The following MFSD6 variants were observed in gnomAD, a reference collection of about 807,000 sequenced individuals.
MFSD6 encodes major facilitator superfamily domain-containing protein 6.
MFSD6 carries 26 observed loss-of-function variants against 56.3 expected under a neutral mutation model. The ratio of observed to expected loss-of-function variants is 0.46; its 90% CI spans 0.34 to 0.64. MFSD6 has a LOEUF of 0.64. Among genes scored for constraint, MFSD6 ranks in the 30% least tolerant of loss-of-function variants. The pLI is 0.01. For missense variants in MFSD6, 750 were observed against 986.2 expected (o/e 0.76, Z 3.21); for synonymous variants, 331 against 366.9 (o/e 0.90, Z 1.12).
At chr2:190,477,344 T>C in intron 4 of MFSD6, 1 of 984,376 alleles carries the variant, frequency 1.0e-6, no homozygotes, top group Non-Finnish European at 1.2e-6. Flanking sequence ...TATTTATTGG[T>C]ATGCTACAGT....
intron 2 of MFSD6, among the ~76,000 whole-genome samples, chr2:190,427,788 ATGGCACAATCT>A (rs1387112878): frequency 1.3e-5 from 2 of 151,724 alleles, no homozygotes; most frequent in East Asian, 3.9e-4. Context: ...CTAGAGTGCA[ATGGCACAATCT>A]TGGCTCACTG....
At position 190,489,928 on chromosome 2, in the gene MFSD6, G is replaced by GA; in HGVS notation, c.1891+62_1891+63insA. On this transcript the variant is annotated intron_variant, in intron 6 of 7. Coordinates refer to ENST00000392328, the MANE Select transcript of MFSD6 (RefSeq NM_017694.4). This position sits in a 1 kb window ranked among gnomAD's most constrained non-coding sequence, Gnocchi z 6.6. ...TTCAGGCCATGGGAAGTCAACAAATGCCCCGAGAAGCCTAGAAGTGGTACA... is the reference window on the plus strand; with the variant it reads ...TTCAGGCCATGGGAAGTCAACAAATGACCCCGAGAAGCCTAGAAGTGGTACA... 3 of 1,318,986 alleles carry GA rather than the reference G, an allele frequency of 2.3e-6. No homozygotes were observed. Among genetic ancestry groups the GA allele is most frequent in the Non-Finnish European group, 3.0e-6 (3 of 984,766 alleles). The allele number at this position is 1,318,986 out of a possible 1,614,324, so 81.7% of individuals were successfully genotyped here.
intron 3 of MFSD6, among the ~76,000 whole-genome samples, chr2:190,441,687 G>T (rs988507886): frequency 6.6e-6 from 1 of 151,948 alleles, no homozygotes; most frequent in Non-Finnish European, 1.5e-5. Context: ...CTTTCTCCAC[G>T]TGGGTACTCT....
rs1345590020 is a variant in MFSD6 at position 190,459,587 on chromosome 2, G to T, written c.1533-10171G>T. On this transcript the variant is annotated intron_variant, in intron 3 of 7. Coordinates refer to ENST00000392328, the MANE Select transcript of MFSD6 (RefSeq NM_017694.4). The surrounding 1 kb of genome is among the most constrained non-coding windows in gnomAD (Gnocchi z 5.3). ...GTTCCATTAATCAAGGTTCTCTTTT[G>T]TTTTAAACATCTCTAGTTTTCTACC... Among the ~76,000 whole-genome samples, 1 of 152,096 alleles carries T rather than the reference G, an allele frequency of 6.6e-6. No individual in the cohort carries two copies. The highest frequency in any genetic ancestry group is 1.9e-4 in the East Asian group (1 of 5,188).
intron 2 of MFSD6, among the ~76,000 whole-genome samples, chr2:190,435,147 G>C (rs567665274): frequency 6.6e-6 from 1 of 152,336 alleles, no homozygotes; most frequent in South Asian, 2.1e-4. Context: ...CCATCGTAGA[G>C]AGCATGTGTC....
intron 2 of MFSD6, among the ~76,000 whole-genome samples, chr2:190,420,211 T>C (rs1009860429): frequency 6.6e-4 from 100 of 151,610 alleles, no homozygotes; most frequent in African/African-American, 2.4e-3. Context: ...ATAGCAACCA[T>C]ATATAGACAG....
chr2:190,450,725 T>C (rs1260545017), intron 3 of MFSD6, among the ~76,000 whole-genome samples: 1 of 152,098 alleles, frequency 6.6e-6, no homozygotes, highest in Non-Finnish European at 1.5e-5. Flanking sequence ...ACTCCTAAGC[T>C]CAAGTGATCT....
At chr2:190,478,714 T>TCTGGGGAAGGGGAAGG (rs1314815628) in intron 4 of MFSD6, among the ~76,000 whole-genome samples, 11 of 151,942 alleles carry the variant, frequency 7.2e-5, no homozygotes, top group African/African-American at 2.4e-4. Flanking sequence ...AAAGACCTAG[T>TCTGGGGAAGGGGAAGG]CTGGGGAAGG....
rs902932510 is a variant in MFSD6 at position 190,416,788 on chromosome 2, G to A, written c.-54+1375G>A. Among the ~76,000 whole-genome samples, 7 of 152,068 alleles carry A rather than the reference G, an allele frequency of 4.6e-5. No individual in the cohort carries two copies. In the East Asian group the frequency reaches 1.2e-3, roughly 25 times the overall value. The stretch of plus-strand genomic sequence containing the variant: ...TCATTTAAGCTCTAGAATCCTTCTG[G>A]GAGTTAATTGACTTAAGTTTGTATG... On this transcript the variant is annotated intron_variant, in intron 2 of 7. Coordinates refer to ENST00000392328, the MANE Select transcript of MFSD6 (RefSeq NM_017694.4). The surrounding 1 kb of genome is among the most constrained non-coding windows in gnomAD (Gnocchi z 4.1).
rs1686221968 is a variant in MFSD6, at chr2:190,437,577, CGA to C, written c.1532+17_1532+18del. On this transcript the variant is annotated intron_variant, in intron 3 of 7. Transcript: ENST00000392328. This position sits in a 1 kb window ranked among gnomAD's most constrained non-coding sequence, Gnocchi z 5.9. Reference sequence around the variant, plus strand: ...GCCACATCAGGTAAGAACATGCTTACGATTGCTGCCCCTCAGCAATTGAACTT... The same window carrying C: ...GCCACATCAGGTAAGAACATGCTTACTTGCTGCCCCTCAGCAATTGAACTT... The C allele has an allele frequency of 4.4e-6, 7 of 1,600,962 alleles. No homozygotes were observed. The Admixed American group carries it at 1.2e-4, about 27-fold the overall frequency.
Position 190,438,215 on chromosome 2 carries a change from T to TTA in MFSD6, c.1532+654_1532+655insTA, listed in dbSNP as rs1686243548. On this transcript the variant is annotated intron_variant, in intron 3 of 7. Coordinates refer to ENST00000392328, the MANE Select transcript of MFSD6 (RefSeq NM_017694.4). This position sits in a 1 kb window ranked among gnomAD's most constrained non-coding sequence, Gnocchi z 5.2. ...ATTTCCCATGTAATTCTTTTAGTTA[T>TTA]AAAAAAAAAAATCTATAGGCTGGGC... Among the ~76,000 whole-genome samples, 1 of 148,912 alleles carries TTA rather than the reference T, an allele frequency of 6.7e-6. No homozygotes were observed.
intron 1 of MFSD6, chr2:190,411,450 G>A (rs549807824): frequency 5.3e-5 from 52 of 984,590 alleles, no homozygotes; most frequent in South Asian, 1.9e-4. Context: ...GAGCCACTGC[G>A]CCCAGCCGAC....
chr2:190,481,122 C>T (rs554815132), intron 4 of MFSD6, among the ~76,000 whole-genome samples: 1 of 152,262 alleles, frequency 6.6e-6, no homozygotes, highest in African/African-American at 2.4e-5. Context: ...GGTGGGAAAA[C>T]ACTGGGCGTG....
Position 190,437,580 on chromosome 2 carries a change from T to TC in MFSD6, c.1532+19_1532+20insC, listed in dbSNP as rs1686222207. 7 of 1,600,186 alleles carry TC rather than the reference T, an allele frequency of 4.4e-6. No individual in the cohort carries two copies. In the Admixed American group the frequency reaches 1.2e-4, roughly 27 times the overall value. ...ACATCAGGTAAGAACATGCTTACGA[T>TC]TGCTGCCCCTCAGCAATTGAACTTT... On this transcript the variant is annotated intron_variant, in intron 3 of 7. Coordinates refer to ENST00000392328, the MANE Select transcript of MFSD6 (RefSeq NM_017694.4). This position sits in a 1 kb window ranked among gnomAD's most constrained non-coding sequence, Gnocchi z 5.9.
In MFSD6 at chr2:190,438,013, C is replaced by T. The variant is rs4853508; in HGVS notation, c.1532+452C>T. Reference sequence around the variant, plus strand: ...ACATAGATAGAGCCTGAATATATGGCATCTAAAGATGTCCATTATATCTAA... The same window carrying T: ...ACATAGATAGAGCCTGAATATATGGTATCTAAAGATGTCCATTATATCTAA... On this transcript the variant is annotated intron_variant, in intron 3 of 7. Coordinates refer to ENST00000392328, the MANE Select transcript of MFSD6 (RefSeq NM_017694.4). The surrounding 1 kb of genome is among the most constrained non-coding windows in gnomAD (Gnocchi z 5.2). Among the ~76,000 whole-genome samples, 50,483 of 151,928 alleles carry T rather than the reference C, an allele frequency of 0.33. 9,152 individuals are homozygous for T. Among genetic ancestry groups the T allele is most frequent in the Admixed American group, 0.47 (7,245 of 15,278 alleles).
At chr2:190,486,782 A>G (rs1459305608) in intron 4 of MFSD6, among the ~76,000 whole-genome samples, 2 of 152,226 alleles carry the variant, frequency 1.3e-5, no homozygotes, top group Non-Finnish European at 2.9e-5. Flanking sequence ...ATTATCTCCA[A>G]ATGAGACTAT....
In MFSD6 at chr2:190,434,182, C is replaced by A. The variant is rs370078815; in HGVS notation, c.-53-1795C>A. Among the ~76,000 whole-genome samples the A allele has an allele frequency of 3.7e-3, 473 of 129,466 alleles. No homozygotes were observed. Among genetic ancestry groups the A allele is most frequent in the Non-Finnish European group, 4.2e-3 (263 of 61,920 alleles). 84.9% of individuals were successfully genotyped at this position (129,466 alleles called of 152,430 possible). On this transcript the variant is annotated intron_variant, in intron 2 of 7. Transcript: ENST00000392328. The surrounding 1 kb of genome is among the most constrained non-coding windows in gnomAD (Gnocchi z 4.3). ...GGTGACAGAGTAAGACCCTGTCTCT[C>A]AAAAAAAAAAAAAGAAAAAAAAGAA... is the stretch of plus-strand genomic sequence containing the variant.
Position 190,487,263 on chromosome 2 carries a change from C to T in MFSD6, c.1631-1394C>T, listed in dbSNP as rs1689067849. On this transcript the variant is annotated intron_variant, in intron 4 of 7. Transcript: ENST00000392328. This position sits in a 1 kb window ranked among gnomAD's most constrained non-coding sequence, Gnocchi z 5.5. ...GGCTGAAGCAGGAGGATCGCTTGAA[C>T]CCAGGAAGCAGAGGTTGCAGTGAGC... 6.6e-6 allele frequency among the ~76,000 whole-genome samples: 1 copy of T among 152,176 alleles called. No homozygotes were observed.
At chr2:190,420,324 T>C (rs1479489695) in intron 2 of MFSD6, among the ~76,000 whole-genome samples, 2 of 152,000 alleles carry the variant, frequency 1.3e-5, no homozygotes, top group Non-Finnish European at 1.5e-5. Flanking sequence ...TCTTCCTGGC[T>C]ACTAGATAGC....
Sources: allele counts gnomAD v4.1 joint callset (sites outside exome capture counted in the v4.1 genomes callset), GRCh38; gene constraint gnomAD v4.1.1; non-coding constraint Gnocchi (gnomAD v3.1); transcripts MANE v1.5; gene names NCBI Gene and HGNC (gene_info 2026-07-23, HGNC 2026-07-21).